PRKG1: variants seen among roughly 807,000 people sequenced by gnomAD.
PRKG1 encodes cGMP-dependent protein kinase 1.
Under a neutral mutation model 88.1 loss-of-function variants are expected in PRKG1, and 35 were observed. The observed-to-expected ratio is 0.40, with a 90% CI of 0.30 to 0.53. The LOEUF (loss-of-function observed/expected upper bound fraction) is 0.53. Ranked by LOEUF, PRKG1 falls within the 20% of genes least tolerant of loss-of-function variation. The pLI is 0.59. For synonymous variants in PRKG1, 303 were observed against 292.5 expected (o/e 1.04, Z -0.37); for missense variants, 540 against 839.8 (o/e 0.64, Z 4.41).
chr10:52,154,428 G>T (rs555102859), intron 8 of PRKG1, among the ~76,000 whole-genome samples: 1 of 152,236 alleles, frequency 6.6e-6, no homozygotes, highest in Middle Eastern at 3.4e-3. Flanking sequence ...TTACAGACTA[G>T]CAACAAATAG....
intron 3 of PRKG1, chr10:51,698,560 T>C: frequency 6.2e-7 from 1 of 1,614,036 alleles, no homozygotes; most frequent in Non-Finnish European, 8.5e-7. Context: ...GAGCATCTCC[T>C]AACAGTCCTC....
At chr10:51,756,840 AT>A (rs1207203286) in intron 3 of PRKG1, among the ~76,000 whole-genome samples, 2 of 149,336 alleles carry the variant, frequency 1.3e-5, no homozygotes, top group Non-Finnish European at 2.9e-5. Context: ...AATAAATAAA[AT>A]AATAATTAAA....
At chr10:51,148,226 C>A (rs1845986068) in intron 1 of PRKG1, 1 of 984,940 alleles carries the variant, frequency 1.0e-6, no homozygotes, top group Non-Finnish European at 1.2e-6. Flanking sequence ...ACTTGGATGT[C>A]TGAGTTCCCA....
intron 10 of PRKG1, among the ~76,000 whole-genome samples, chr10:52,257,472 G>A (rs945322238): frequency 1.4e-5 from 2 of 140,142 alleles, no homozygotes; most frequent in Admixed American, 1.5e-4. Flanking sequence ...CATTTCAAGA[G>A]CTTCCTACTG....
At chr10:51,040,271 T>TGTGA (rs1230148963) in intron 1 of PRKG1, among the ~76,000 whole-genome samples, 1 of 140,672 alleles carries the variant, frequency 7.1e-6, no homozygotes, top group Non-Finnish European at 1.6e-5. Flanking sequence ...TGTGTGTGTG[T>TGTGA]GACCTCTTTA....
chr10:52,075,230 A>G (rs1846599645), intron 7 of PRKG1, among the ~76,000 whole-genome samples: 2 of 152,136 alleles, frequency 1.3e-5, no homozygotes, highest in African/African-American at 4.8e-5. Context: ...AAGATGTGTA[A>G]GATCTCTTCA....
chr10:52,168,933 T>C (rs1170286566), intron 9 of PRKG1, among the ~76,000 whole-genome samples: 1 of 152,070 alleles, frequency 6.6e-6, no homozygotes, highest in Non-Finnish European at 1.5e-5. Flanking sequence ...TTAAATGAGG[T>C]ACTTTTGAGA....
chr10:51,799,484 G>A (rs1564651579), intron 3 of PRKG1, among the ~76,000 whole-genome samples: 1 of 151,842 alleles, frequency 6.6e-6, no homozygotes, highest in Admixed American at 6.6e-5. Flanking sequence ...TTGTGGTGGT[G>A]GTAGGATAAC....
chr10:52,258,161 G>T (rs1043664364), intron 10 of PRKG1, among the ~76,000 whole-genome samples: 3 of 138,614 alleles, frequency 2.2e-5, no homozygotes, highest in African/African-American at 7.5e-5. Context: ...GTTGAAGTTA[G>T]TATCCTACCA....
intron 1 of PRKG1, among the ~76,000 whole-genome samples, chr10:51,139,662 G>A (rs1235498965): frequency 2.6e-5 from 4 of 152,006 alleles, no homozygotes; most frequent in Non-Finnish European, 5.9e-5. Flanking sequence ...GTCCTATAGC[G>A]CCCACTTGCA....
At chr10:50,999,549 A>G (rs1414744466) in intron 1 of PRKG1, among the ~76,000 whole-genome samples, 1 of 152,144 alleles carries the variant, frequency 6.6e-6, no homozygotes, top group Non-Finnish European at 1.5e-5. Flanking sequence ...ATGTGTCTTT[A>G]TTTGAGTACT....
chr10:52,208,668 A>C (rs1043012333), intron 9 of PRKG1, among the ~76,000 whole-genome samples: 3 of 152,206 alleles, frequency 2.0e-5, no homozygotes, highest in African/African-American at 7.2e-5. Context: ...AGAGAAAGGA[A>C]ATTGTAGAAA....
At chr10:51,103,145 T>TC (rs1336799749) in intron 1 of PRKG1, among the ~76,000 whole-genome samples, 1 of 38,024 alleles carries the variant, frequency 2.6e-5, no homozygotes, top group Admixed American at 3.0e-4. Context: ...AAAAAAAAAA[T>TC]AGTTAGAAAA....
At chr10:52,021,389 G>C (rs1424022496) in intron 5 of PRKG1, among the ~76,000 whole-genome samples, 1 of 152,146 alleles carries the variant, frequency 6.6e-6, no homozygotes, top group Admixed American at 6.5e-5. Context: ...CTGGTTTAGT[G>C]CCAGGCACAT....
At chr10:51,590,480 C>T (rs905250394) in intron 3 of PRKG1, among the ~76,000 whole-genome samples, 4 of 152,020 alleles carry the variant, frequency 2.6e-5, no homozygotes, top group Non-Finnish European at 4.4e-5. Flanking sequence ...TCATATATTC[C>T]CCAAACATTT....
intron 2 of PRKG1, among the ~76,000 whole-genome samples, chr10:51,292,864 C>T (rs558779633): frequency 9.9e-5 from 15 of 152,186 alleles, no homozygotes; most frequent in South Asian, 4.2e-4. Context: ...TTATGGTTTA[C>T]ACCCAATCCC....
chr10:51,285,291 A>G (rs1015875582), intron 2 of PRKG1, among the ~76,000 whole-genome samples: 2 of 152,202 alleles, frequency 1.3e-5, no homozygotes, highest in East Asian at 3.9e-4. Context: ...TGTTTTCCCT[A>G]TACTATAAAA....
intron 6 of PRKG1, among the ~76,000 whole-genome samples, chr10:52,056,420 C>A (rs963709277): frequency 2.6e-5 from 4 of 152,148 alleles, no homozygotes; most frequent in African/African-American, 9.7e-5. Flanking sequence ...TCTTTTGTTA[C>A]CACCCTGTTA....
intron 7 of PRKG1, among the ~76,000 whole-genome samples, chr10:52,070,159 A>AC (rs1464515471): frequency 6.6e-6 from 1 of 152,154 alleles, no homozygotes; most frequent in Non-Finnish European, 1.5e-5. Flanking sequence ...ATTATTTAAC[A>AC]TTTATCAACT....
Sources: gnomAD v4.1 joint callset for allele counts (sites outside exome capture counted in the v4.1 genomes callset) on GRCh38, gnomAD v4.1.1 for gene constraint, MANE v1.5 for transcripts, NCBI Gene and HGNC (gene_info 2026-07-23, HGNC 2026-07-21) for gene names.